The following DENND11 variants were observed in gnomAD, a reference collection of about 807,000 sequenced individuals.
The protein encoded by DENND11 is DENN domain-containing protein 11.
DENND11 carries 34 observed loss-of-function variants against 49.2 expected under a neutral mutation model. That is an observed-to-expected ratio of 0.69 (90% confidence interval 0.53 to 0.92). DENND11 has a LOEUF of 0.92. DENND11 is among the 40% of genes least tolerant of loss of function. DENND11 has a pLI of 0.00. For synonymous variants in DENND11, 238 were observed against 230.3 expected, an observed-to-expected ratio of 1.03 and a Z score of -0.30; for missense variants, 475 against 581.6, an observed-to-expected ratio of 0.82 and a Z score of 1.88.
At chr7:141,679,687 G>A (rs973326601) in intron 3 of DENND11, among the ~76,000 whole-genome samples, 3 of 150,736 alleles carry the variant, frequency 2.0e-5, no homozygotes, top group Non-Finnish European at 4.4e-5. Context: ...ACTCCAGCCT[G>A]GGACACAAGA....
Position 141,665,279 on chromosome 7 carries a change from C to G in DENND11, c.860G>C (p.Gly287Ala). The G allele has an allele frequency of 6.2e-7, 1 of 1,613,892 alleles. No homozygotes were observed. The highest frequency in any genetic ancestry group is 8.5e-7 in the Non-Finnish European group (1 of 1,179,866). Residue 287 changes from glycine (G) to alanine (A), a missense_variant, in exon 6 of 9, where the codon GGC (glycine) becomes GCC (alanine). Transcript: ENST00000536163. ...CCCLANVSLP[G>A]IGGTIPESKP... ...GGACTCAGGAATGGTGCCCCCGATGCCAGGCAGTGAAACGTTGGCCAAGCA... is the reference window on the plus strand; with the variant it reads ...GGACTCAGGAATGGTGCCCCCGATGGCAGGCAGTGAAACGTTGGCCAAGCA...
At chr7:141,686,433 T>C in intron 2 of DENND11, 126 bp downstream of exon 2, 1 of 647,112 alleles carries the variant, frequency 1.5e-6, no homozygotes, top group Non-Finnish European at 2.8e-6. Flanking sequence ...CACAAAACTA[T>C]CCATGTATTT....
At chr7:141,665,755 A>G (rs1797885151) in intron 5 of DENND11, among the ~76,000 whole-genome samples, 1 of 152,040 alleles carries the variant, frequency 6.6e-6, no homozygotes, top group Admixed American at 6.5e-5. Flanking sequence ...ATATGAGTGC[A>G]GAAATAATCT....
At chr7:141,677,521 G>A (rs71552632) in intron 3 of DENND11, among the ~76,000 whole-genome samples, 20 of 132,502 alleles carry the variant, frequency 1.5e-4, no homozygotes, top group East Asian at 1.0e-3. Flanking sequence ...ATATATATAT[G>A]TATATATATA....
intron 1 of DENND11, among the ~76,000 whole-genome samples, chr7:141,700,670 A>C (rs1274370680): frequency 6.6e-6 from 1 of 152,054 alleles, no homozygotes; most frequent in African/African-American, 2.4e-5. Context: ...CAAAGAAACA[A>C]GCAGAAGTCA....
At chr7:141,694,094 T>C (rs1456820767) in intron 1 of DENND11, among the ~76,000 whole-genome samples, 2 of 152,230 alleles carry the variant, frequency 1.3e-5, no homozygotes, top group Non-Finnish European at 2.9e-5. Context: ...ATGGGAACTC[T>C]GTACTTTCTG....
At chr7:141,662,888 G>C (rs762025222) in intron 8 of DENND11, 37 bp from the exon 9 acceptor site, 9 of 1,469,244 alleles carry the variant, frequency 6.1e-6, no homozygotes, top group South Asian at 1.4e-5. Context: ...AAGGAAGCGG[G>C]GGGGAATAAA....
chr7:141,672,573 T>C lies in DENND11; in HGVS notation c.681+1494A>G, dbSNP rs78638126. ...ACACCCACCTGATCTTAGAGGTGGA[T>C]ACCTCCCCAGTCAAACCTTCAGATG... On this transcript the variant is annotated intron_variant, in intron 4 of 8. Coordinates refer to ENST00000536163, the MANE Select transcript of DENND11 (RefSeq NM_001080392.2). Among the ~76,000 whole-genome samples, 20 of 152,312 alleles carry C rather than the reference T, an allele frequency of 1.3e-4. No homozygotes were observed. The East Asian group carries it at 3.1e-3, about 23-fold the overall frequency.
intron 1 of DENND11, among the ~76,000 whole-genome samples, chr7:141,692,131 T>G (rs1398087437): frequency 6.6e-6 from 1 of 152,214 alleles, no homozygotes; most frequent in Admixed American, 6.5e-5. Context: ...ATATAGTCAG[T>G]TCTACTTTTA....
At chr7:141,686,185 C>G (rs1798240201) in intron 2 of DENND11, among the ~76,000 whole-genome samples, 1 of 152,148 alleles carries the variant, frequency 6.6e-6, no homozygotes, top group South Asian at 2.1e-4. Context: ...CTACACAGGA[C>G]TAAAAAATGG....
Position 141,662,174 on chromosome 7 carries a change from G to C in DENND11, c.*482C>G, listed in dbSNP as rs1372746530. 6.5e-6 allele frequency: 1 copy of C among 154,630 alleles called. No individual in the cohort carries two copies. Among genetic ancestry groups the C allele is most frequent in the African/African-American group, 2.4e-5 (1 of 41,544 alleles). The allele number at this position is 154,630 out of a possible 1,614,324, so 9.6% of individuals were successfully genotyped here. On this transcript the variant is annotated 3_prime_UTR_variant, in exon 9 of 9. Transcript: ENST00000536163. ...AGTTGCCCTAATGAACAAGAAAAGG[G>C]ATTTGATCCCAAGACTATAGACTCC...
At chr7:141,698,235 G>A (rs1264391609) in intron 1 of DENND11, among the ~76,000 whole-genome samples, 1 of 152,174 alleles carries the variant, frequency 6.6e-6, no homozygotes, top group Admixed American at 6.5e-5. Flanking sequence ...TGGGGGCAGG[G>A]GTGCTCCCCA....
intron 1 of DENND11, among the ~76,000 whole-genome samples, chr7:141,693,910 G>A (rs760352770): frequency 2.6e-5 from 4 of 152,150 alleles, no homozygotes; most frequent in African/African-American, 7.2e-5. Context: ...ACATAACATC[G>A]TGCATGTTTC....
intron 1 of DENND11, among the ~76,000 whole-genome samples, chr7:141,693,431 T>C (rs576325749): frequency 6.6e-6 from 1 of 152,358 alleles, no homozygotes; most frequent in Admixed American, 6.5e-5. Flanking sequence ...AAAGACAGTT[T>C]GGCAGTTTTT....
At chr7:141,684,586 GT>G (rs1798201518) in intron 3 of DENND11, among the ~76,000 whole-genome samples, 2 of 152,138 alleles carry the variant, frequency 1.3e-5, no homozygotes, top group South Asian at 2.1e-4. Flanking sequence ...AATAATAAAC[GT>G]GTTTTCCACA....
At position 141,668,126 on chromosome 7, in the gene DENND11, A is replaced by G. The variant is rs927205649; in HGVS notation, c.682-1701T>C. Among the ~76,000 whole-genome samples the G allele has an allele frequency of 7.2e-5, 11 of 152,328 alleles. No individual in the cohort carries two copies. In the South Asian group the frequency reaches 1.9e-3, roughly 26 times the overall value. On this transcript the variant is annotated intron_variant, in intron 4 of 8. Transcript: ENST00000536163. ...ACAGAGGCCAGGTGGGGCTTGCCCA[A>G]TGTATATTTTATAGGCTAGTGGGAG...
Position 141,660,351 on chromosome 7 carries a change from G to A in DENND11, c.*2305C>T, listed in dbSNP as rs1399778576. On this transcript the variant is annotated 3_prime_UTR_variant, in exon 9 of 9. Transcript: ENST00000536163. ...CTGCCTCACTGGCACGTTCTCCTCTGGGGCCACCCATACCCTGGCCCTCTG... is the reference window on the plus strand; with the variant it reads ...CTGCCTCACTGGCACGTTCTCCTCTAGGGCCACCCATACCCTGGCCCTCTG... 3 of 152,236 alleles carry A rather than the reference G, an allele frequency of 2.0e-5. No homozygotes were observed. Among genetic ancestry groups the A allele is most frequent in the African/African-American group, 7.2e-5 (3 of 41,434 alleles). 9.4% of individuals were successfully genotyped at this position (152,236 alleles called of 1,614,324 possible).
Position 141,685,423 on chromosome 7 carries a change from A to G in DENND11, c.527+55T>C, listed in dbSNP as rs1398953732. 12 of 1,596,836 alleles carry G rather than the reference A, an allele frequency of 7.5e-6. No individual in the cohort carries two copies. The Admixed American group carries it at 2.0e-4, about 27-fold the overall frequency. On this transcript the variant is annotated intron_variant, in intron 3 of 8. Coordinates refer to ENST00000536163, the MANE Select transcript of DENND11 (RefSeq NM_001080392.2). ...TGCTGTCTCCGAGGGCTCGTGCCAT[A>G]TGCACCAGCTGGTGGATCCTGCTGC...
intron 5 of DENND11, among the ~76,000 whole-genome samples, chr7:141,665,623 G>A (rs910275235): frequency 1.3e-5 from 2 of 151,824 alleles, no homozygotes; most frequent in African/African-American, 2.4e-5. Flanking sequence ...TGTGTCTTCC[G>A]GTTCCCCCTT....
Sources: gnomAD v4.1 joint callset for allele counts (sites outside exome capture counted in the v4.1 genomes callset) on GRCh38, gnomAD v4.1.1 for gene constraint, MANE v1.5 for transcripts, NCBI Gene and HGNC (gene_info 2026-07-23, HGNC 2026-07-21) for gene names.